HAUS2: variants seen among roughly 807,000 people sequenced by gnomAD.
HAUS2 encodes the protein HAUS augmin-like complex subunit 2.
HAUS2 carries 20 observed loss-of-function variants against 21.6 expected under a neutral mutation model. The observed-to-expected ratio is 0.93, with a 90% CI of 0.65 to 1.35. The LOEUF is 1.35. Among genes scored for constraint, HAUS2 ranks in the 40% most tolerant of loss-of-function variants. The pLI is 0.00. For missense variants in HAUS2, 297 were observed against 280.7 expected (o/e 1.06, Z -0.42); for synonymous variants, 113 against 95.6 (o/e 1.18, Z -1.06).
Position 42,568,112 on chromosome 15 carries a change from C to T in HAUS2, c.*1296C>T, listed in dbSNP as rs78682734. ...TCCTGTGGGAATGTCACTAAGTATG[C>T]AGAAAAGAGTAACACAGCCAGCCTG... On this transcript the variant is annotated 3_prime_UTR_variant, in exon 6 of 6. Coordinates refer to ENST00000260372, the MANE Select transcript of HAUS2 (RefSeq NM_018097.3). The T allele has an allele frequency of 2.0e-5, 3 of 152,038 alleles. No homozygotes were observed. Among genetic ancestry groups the T allele is most frequent in the South Asian group, 4.1e-4 (2 of 4,830 alleles). The allele number at this position is 152,038 out of a possible 1,614,324, so 9.4% of individuals were successfully genotyped here. A position where few individuals can be genotyped will look rare whatever the true frequency, so the allele number is the denominator to read the frequency against.
intron 1 of HAUS2, among the ~76,000 whole-genome samples, chr15:42,553,846 C>T (rs752849225): frequency 2.5e-4 from 37 of 148,566 alleles, no homozygotes; most frequent in Admixed American, 6.6e-5. Flanking sequence ...TCATTTACCT[C>T]CTGAGAGAAA....
intron 1 of HAUS2, among the ~76,000 whole-genome samples, chr15:42,550,132 C>T (rs2057707152): frequency 6.6e-6 from 1 of 152,000 alleles, no homozygotes; most frequent in Non-Finnish European, 1.5e-5. Flanking sequence ...GGCATGGTGG[C>T]GTACACCTGT....
intron 1 of HAUS2, among the ~76,000 whole-genome samples, chr15:42,550,233 G>A (rs546788759): frequency 6.8e-6 from 1 of 146,784 alleles, no homozygotes; most frequent in South Asian, 2.1e-4. Context: ...AGTGAGATGC[G>A]ATCGGGCCAC....
At position 42,569,191 on chromosome 15, in the gene HAUS2, A is replaced by G. The variant is rs1397831717; in HGVS notation, c.*2375A>G. The G allele has an allele frequency of 1.3e-5, 2 of 152,152 alleles. No homozygotes were observed. The highest frequency in any genetic ancestry group is 1.3e-4 in the Admixed American group (2 of 15,274). 9.4% of individuals were successfully genotyped at this position (152,152 alleles called of 1,614,324 possible). A position where few individuals can be genotyped will look rare whatever the true frequency, so the allele number is the denominator to read the frequency against. ...ACTGCCTCAGGATATACTCTTTTTA[A>G]TCAGTATTGTAACTAACCTTGGCTT... On this transcript the variant is annotated 3_prime_UTR_variant, in exon 6 of 6. Coordinates refer to ENST00000260372, the MANE Select transcript of HAUS2 (RefSeq NM_018097.3).
intron 1 of HAUS2, among the ~76,000 whole-genome samples, chr15:42,551,543 A>G (rs1467130274): frequency 6.6e-6 from 1 of 152,028 alleles, no homozygotes; most frequent in Non-Finnish European, 1.5e-5. Context: ...CGGGAAGCCG[A>G]GACATGAGAA....
At chr15:42,550,067 C>G (rs2057706352) in intron 1 of HAUS2, among the ~76,000 whole-genome samples, 1 of 151,916 alleles carries the variant, frequency 6.6e-6, no homozygotes, top group Non-Finnish European at 1.5e-5. Flanking sequence ...AGAAATTTCA[C>G]TAAAAAGAAA....
At chr15:42,563,221 C>T (rs2057868433) in intron 4 of HAUS2, among the ~76,000 whole-genome samples, 1 of 151,558 alleles carries the variant, frequency 6.6e-6, no homozygotes, top group Non-Finnish European at 1.5e-5. Flanking sequence ...TCGAGACCAT[C>T]CTGGCCAACA....
intron 1 of HAUS2, among the ~76,000 whole-genome samples, chr15:42,556,316 G>C (rs1595548998): frequency 7.9e-6 from 1 of 126,148 alleles, no homozygotes; most frequent in Non-Finnish European, 1.6e-5. Flanking sequence ...GCCCAGACTA[G>C]AGTGCAGTGG....
At chr15:42,559,157 CAG>C (rs1202914290) in intron 2 of HAUS2, among the ~76,000 whole-genome samples, 180 bp from the exon 3 acceptor site, 1 of 142,916 alleles carries the variant, frequency 7.0e-6, no homozygotes, top group Admixed American at 7.2e-5. Flanking sequence ...TTTTTTGAGA[CAG>C]AGTCTCACTC....
Position 42,566,635 on chromosome 15 carries a change from T to A in HAUS2, c.527T>A (p.Leu176Ter). Residue 176 changes from leucine (L) to a stop codon, truncating the protein, a stop_gained, in exon 6 of 6, where the codon TTG (leucine) becomes TAG (stop). Coordinates refer to ENST00000260372, the MANE Select transcript of HAUS2 (RefSeq NM_018097.3). LOFTEE classifies it high-confidence loss of function. ...MNQALAKMDILVTETEELAEN... is the reference protein window; with the variant it reads ...MNQALAKMDI The stretch of plus-strand genomic sequence containing the variant: ...CAGGCTTTAGCAAAGATGGATATAT[T>A]GGTGACTGAGACAGAAGAACTGGCA... 2 of 1,606,152 alleles carry A rather than the reference T, an allele frequency of 1.2e-6. No individual in the cohort carries two copies. Among genetic ancestry groups the A allele is most frequent in the Non-Finnish European group, 1.7e-6 (2 of 1,172,820 alleles).
intron 1 of HAUS2, among the ~76,000 whole-genome samples, chr15:42,552,255 C>G (rs2057732891): frequency 6.6e-6 from 1 of 152,076 alleles, no homozygotes; most frequent in Admixed American, 6.5e-5. Context: ...AACTCCTGAC[C>G]TCAAATGATC....
chr15:42,560,900 T>A (rs1216645034), intron 3 of HAUS2: 1 of 697,644 alleles, frequency 1.4e-6, no homozygotes, highest in Non-Finnish European at 2.6e-6. Flanking sequence ...CTAAGGTGAC[T>A]CTTTTTCGAT....
At chr15:42,563,410 C>CA (rs745358598) in intron 4 of HAUS2, among the ~76,000 whole-genome samples, 10,275 of 58,292 alleles carry the variant, frequency 0.18, 539 homozygotes, top group South Asian at 0.24. Context: ...GACTCCATCT[C>CA]AAAAAAAAAA....
intron 1 of HAUS2, among the ~76,000 whole-genome samples, chr15:42,552,276 G>T (rs1269086710): frequency 6.6e-6 from 1 of 151,966 alleles, no homozygotes; most frequent in Non-Finnish European, 1.5e-5. Context: ...CACCCGCCTC[G>T]GCCTCCCAAA....
rs1428440427 is a variant in HAUS2 at position 42,567,067 on chromosome 15, T to C, written c.*251T>C. On this transcript the variant is annotated 3_prime_UTR_variant, in exon 6 of 6. Coordinates refer to ENST00000260372, the MANE Select transcript of HAUS2 (RefSeq NM_018097.3). ...ATGACAATTTATTAATATAAGTGAA[T>C]TAACCATTTCTCAGGTGGGAAATTC... 4 of 313,286 alleles carry C rather than the reference T, an allele frequency of 1.3e-5. No individual in the cohort carries two copies. The highest frequency in any genetic ancestry group is 3.9e-5 in the South Asian group (1 of 25,974). 19.4% of individuals were successfully genotyped at this position (313,286 alleles called of 1,614,324 possible).
At position 42,566,588 on chromosome 15, in the gene HAUS2, C is replaced by T. The variant is rs1171565128; in HGVS notation, c.499-19C>T. On this transcript the variant is annotated intron_variant, in intron 5 of 5. Transcript: ENST00000260372. Reference sequence around the variant, plus strand: ...ATAAGAGACATAATTTCTCCTGTTTCCCTTTTCAAATGTTACAGAACCAGG... The same window carrying T: ...ATAAGAGACATAATTTCTCCTGTTTTCCTTTTCAAATGTTACAGAACCAGG... 1.5e-6 allele frequency: 2 copies of T among 1,343,110 alleles called. No homozygotes were observed. The allele number at this position is 1,343,110 out of a possible 1,614,324, so 83.2% of individuals were successfully genotyped here.
intron 1 of HAUS2, among the ~76,000 whole-genome samples, chr15:42,557,052 C>T (rs1315696460): frequency 1.3e-5 from 2 of 150,792 alleles, no homozygotes; most frequent in Non-Finnish European, 2.9e-5. Flanking sequence ...CGGTGGCTCA[C>T]GCCTGTAATC....
rs2057912674 is a variant in HAUS2 at position 42,566,891 on chromosome 15, A to G, written c.*75A>G. 2.8e-6 allele frequency: 2 copies of G among 713,932 alleles called. No individual in the cohort carries two copies. The highest frequency in any genetic ancestry group is 2.6e-5 in the East Asian group (1 of 38,662). 44.2% of individuals were successfully genotyped at this position (713,932 alleles called of 1,614,324 possible). On this transcript the variant is annotated 3_prime_UTR_variant, in exon 6 of 6. Coordinates refer to ENST00000260372, the MANE Select transcript of HAUS2 (RefSeq NM_018097.3). The stretch of plus-strand genomic sequence containing the variant: ...TCTAGTTGACTGTAACATGGGTATT[A>G]ATAGTCTTTGCTGCTGGTAATACTG...
intron 1 of HAUS2, among the ~76,000 whole-genome samples, chr15:42,557,787 A>T (rs1056504325): frequency 2.6e-5 from 3 of 113,982 alleles, no homozygotes; most frequent in African/African-American, 1.0e-4. Flanking sequence ...GAATCAGATA[A>T]ATAATTCCAT....
Sources: allele counts gnomAD v4.1 joint callset (sites outside exome capture counted in the v4.1 genomes callset), GRCh38; gene constraint gnomAD v4.1.1; transcripts MANE v1.5; gene names NCBI Gene and HGNC (gene_info 2026-07-23, HGNC 2026-07-21).